Variants in HPSE2 observed in about 807,000 individuals in gnomAD.
HPSE2 encodes inactive heparanase-2.
A neutral mutation model predicts 60.5 loss-of-function variants in HPSE2; 38 were observed. The ratio of observed to expected loss-of-function variants is 0.63; its 90% CI spans 0.48 to 0.82. The LOEUF (loss-of-function observed/expected upper bound fraction) is 0.82, where lower values mean the gene tolerates loss of function less well. HPSE2 is among the 40% of genes least tolerant of loss of function. The probability of loss-of-function intolerance (pLI) is 0.00; values close to 1 mark genes in which losing one functional copy is unlikely to be tolerated. For missense variants in HPSE2, 713 were observed against 740.4 expected (o/e 0.96, Z 0.43); for synonymous variants, 295 against 293.2 (o/e 1.01, Z -0.06).
At chr10:99,117,014 A>G (rs1643261911) in intron 3 of HPSE2, among the ~76,000 whole-genome samples, 1 of 152,088 alleles carries the variant, frequency 6.6e-6, no homozygotes, top group South Asian at 2.1e-4. Context: ...AAAAGAAAGA[A>G]AGCGAAAAGA....
chr10:99,314,618 C>T, the HPSE2 span, among the ~76,000 whole-genome samples: 50 of 152,230 alleles, frequency 3.3e-4, no homozygotes, highest in East Asian at 8.3e-3. Flanking sequence ...GAACAAAACC[C>T]GCGGTATCCC....
intron 3 of HPSE2, among the ~76,000 whole-genome samples, chr10:99,053,365 C>A (rs1269976758): frequency 8.6e-6 from 1 of 116,746 alleles, no homozygotes; most frequent in Non-Finnish European, 2.0e-5. Context: ...CACTAAAAAA[C>A]AGTACAAAAA....
At chr10:98,902,997 T>C (rs545049427) in intron 3 of HPSE2, among the ~76,000 whole-genome samples, 2 of 152,098 alleles carry the variant, frequency 1.3e-5, no homozygotes, top group Non-Finnish European at 2.9e-5. Flanking sequence ...GTATTATTCA[T>C]AATAGCTAAA....
intron 2 of HPSE2, among the ~76,000 whole-genome samples, chr10:99,173,108 C>T (rs1329985970): frequency 1.3e-5 from 2 of 152,066 alleles, no homozygotes; most frequent in Non-Finnish European, 2.9e-5. Flanking sequence ...GCTAGAAAGC[C>T]AGGCTAGAAG....
chr10:99,216,735 A>C (rs1051657706), intron 2 of HPSE2, among the ~76,000 whole-genome samples: 1 of 152,184 alleles, frequency 6.6e-6, no homozygotes, highest in African/African-American at 2.4e-5. Context: ...TCCTATAAGG[A>C]CAGCATATTG....
intron 9 of HPSE2, among the ~76,000 whole-genome samples, chr10:98,498,309 T>C (rs898487472): frequency 6.6e-6 from 1 of 152,086 alleles, no homozygotes; most frequent in Non-Finnish European, 1.5e-5. Context: ...CATAGATGGT[T>C]CCCATCACAG....
At chr10:98,802,300 ATTT>A (rs35153153) in intron 3 of HPSE2, among the ~76,000 whole-genome samples, 1 of 148,678 alleles carries the variant, frequency 6.7e-6, no homozygotes, top group Non-Finnish European at 1.5e-5. Flanking sequence ...TTCTCTTTTT[ATTT>A]TTTTTTTGAG....
At chr10:99,179,271 G>T (rs180940273) in intron 2 of HPSE2, among the ~76,000 whole-genome samples, 5 of 152,274 alleles carry the variant, frequency 3.3e-5, no homozygotes, top group Middle Eastern at 3.4e-3. Context: ...TTTCGCTAGG[G>T]CAATCAGGCA....
At chr10:99,300,355 C>T in the HPSE2 span, among the ~76,000 whole-genome samples, 9 of 152,244 alleles carry the variant, frequency 5.9e-5, no homozygotes, top group Non-Finnish European at 1.2e-4. Flanking sequence ...GGAAGAACCT[C>T]GGGTAACTCC....
chr10:99,232,204 C>T, intron 2 of HPSE2, 144 bp downstream of exon 2: 2 of 863,520 alleles, frequency 2.3e-6, no homozygotes, highest in Non-Finnish European at 3.5e-6. Context: ...CCCCAACGCG[C>T]GCGCGCGCAT....
chr10:99,065,983 C>T (rs117623406), intron 3 of HPSE2, among the ~76,000 whole-genome samples: 2 of 56,068 alleles, frequency 3.6e-5, no homozygotes, highest in African/African-American at 7.0e-5. Context: ...TCACAGAAAT[C>T]CATAAGTACA....
intron 9 of HPSE2, among the ~76,000 whole-genome samples, chr10:98,576,432 T>C (rs1316810709): frequency 2.0e-5 from 3 of 152,094 alleles, no homozygotes; most frequent in African/African-American, 7.2e-5. Flanking sequence ...CATCTGCTTT[T>C]TCAATTATGA....
At chr10:99,298,392 A>G in the HPSE2 span, among the ~76,000 whole-genome samples, 153 of 152,348 alleles carry the variant, frequency 1.0e-3, no homozygotes, top group Non-Finnish European at 1.8e-3. Context: ...GCTAACTGAA[A>G]CCCCTTGTAG....
chr10:98,663,271 G>A (rs503682), intron 6 of HPSE2, among the ~76,000 whole-genome samples: 28,129 of 152,084 alleles, frequency 0.18, 3,089 homozygotes, highest in East Asian at 0.34. Flanking sequence ...TAAGAGACAT[G>A]GAACTTATAT....
At chr10:99,142,412 C>T (rs1564840789) in intron 3 of HPSE2, among the ~76,000 whole-genome samples, 1 of 152,142 alleles carries the variant, frequency 6.6e-6, no homozygotes, top group African/African-American at 2.4e-5. Context: ...TGGTGCTAAA[C>T]TGAAATGGCT....
At chr10:98,667,288 G>A (rs1188976289) in intron 6 of HPSE2, among the ~76,000 whole-genome samples, 2 of 152,042 alleles carry the variant, frequency 1.3e-5, no homozygotes, top group African/African-American at 4.8e-5. Context: ...GTAATAAAAA[G>A]CCTGCCAACT....
intron 3 of HPSE2, among the ~76,000 whole-genome samples, chr10:99,097,794 A>G (rs1242422781): frequency 1.3e-5 from 2 of 152,192 alleles, no homozygotes; most frequent in African/African-American, 4.8e-5. Context: ...CGTTTTATAG[A>G]TAAGACAATG....
At chr10:99,275,395 C>T in the HPSE2 span, among the ~76,000 whole-genome samples, 1 of 152,030 alleles carries the variant, frequency 6.6e-6, no homozygotes, top group Non-Finnish European at 1.5e-5. Flanking sequence ...CTTAGTACCC[C>T]AAGGGTACAG....
intron 6 of HPSE2, among the ~76,000 whole-genome samples, chr10:98,678,905 A>G (rs777577702): frequency 8.5e-5 from 13 of 152,150 alleles, no homozygotes; most frequent in Admixed American, 2.6e-4. Context: ...CTCCCTAAAC[A>G]CCACCAAAAC....
Sources: allele counts gnomAD v4.1 joint callset (sites outside exome capture counted in the v4.1 genomes callset), GRCh38; gene constraint gnomAD v4.1.1; transcripts MANE v1.5; gene names NCBI Gene and HGNC (gene_info 2026-07-23, HGNC 2026-07-21).